GLMN: variants seen among roughly 807,000 people sequenced by gnomAD.
The protein encoded by GLMN is glomulin.
GLMN carries 75 observed loss-of-function variants against 87.8 expected under a neutral mutation model. That is an observed-to-expected ratio of 0.85 (90% CI 0.71 to 1.04). The LOEUF (loss-of-function observed/expected upper bound fraction) is 1.04. Among genes scored for constraint, GLMN ranks in the 50% least tolerant of loss-of-function variants. GLMN has a pLI of 0.00. For missense variants in GLMN, 588 were observed against 658.8 expected, an observed-to-expected ratio of 0.89 and a Z score of 1.18; for synonymous variants, 206 against 221.6, an observed-to-expected ratio of 0.93 and a Z score of 0.63.
At chr1:92,337,017 C>T in the GLMN span, among the ~76,000 whole-genome samples, 110 of 152,266 alleles carry the variant, frequency 7.2e-4, no homozygotes, top group African/African-American at 2.5e-3. Context: ...ACTAGGTTCT[C>T]TCTACCAAGA....
At chr1:92,354,890 A>AATTATTATTATTATT in the GLMN span, among the ~76,000 whole-genome samples, 29 of 147,684 alleles carry the variant, frequency 2.0e-4, no homozygotes, top group African/African-American at 6.7e-4. Context: ...AATTTATGTA[A>AATTATTATTATTATT]ATTATTATTA....
chr1:92,343,526 T>C, the GLMN span, among the ~76,000 whole-genome samples: 2 of 152,194 alleles, frequency 1.3e-5, no homozygotes, highest in Non-Finnish European at 2.9e-5. Context: ...TTCAGATTAA[T>C]GTAACAAAAT....
chr1:92,353,586 GGTA>G, the GLMN span, among the ~76,000 whole-genome samples: 1 of 151,900 alleles, frequency 6.6e-6, no homozygotes, highest in Non-Finnish European at 1.5e-5. Flanking sequence ...AGTAGCTACT[GGTA>G]TTCTTTTGGA....
At position 92,277,969 on chromosome 1, in the gene GLMN, A is replaced by G. The variant is rs566700100; in HGVS notation, c.736-6317T>C. Among the ~76,000 whole-genome samples the G allele has an allele frequency of 3.3e-5, 5 of 152,096 alleles. No homozygotes were observed. The East Asian group carries it at 9.7e-4, about 29-fold the overall frequency. On this transcript the variant is annotated intron_variant, in intron 7 of 18. Coordinates refer to ENST00000370360, the MANE Select transcript of GLMN (RefSeq NM_053274.3). Reference sequence around the variant, plus strand: ...CCTAGGGCTTGAGACTGGCATTGGAAGGGGGGGCAGTCTTGAGGTATTTAG... The same window carrying G: ...CCTAGGGCTTGAGACTGGCATTGGAGGGGGGGGCAGTCTTGAGGTATTTAG...
intron 11 of GLMN, among the ~76,000 whole-genome samples, chr1:92,267,385 TTAAA>T (rs1655752622): frequency 6.6e-6 from 1 of 152,174 alleles, no homozygotes. Flanking sequence ...CTATTCGTGT[TTAAA>T]TAAATTAAAA....
At chr1:92,256,359 T>C (rs556459563) in intron 16 of GLMN, among the ~76,000 whole-genome samples, 1 of 152,296 alleles carries the variant, frequency 6.6e-6, no homozygotes, top group Non-Finnish European at 1.5e-5. Flanking sequence ...TCTGAAACTT[T>C]TCCAAACAAT....
chr1:92,251,258 T>TATTGGTAAAAGAATA (rs1553133486), intron 16 of GLMN, among the ~76,000 whole-genome samples: 1 of 152,124 alleles, frequency 6.6e-6, no homozygotes, highest in African/African-American at 2.4e-5. Flanking sequence ...GACAGTGTGG[T>TATTGGTAAAAGAATA]ATTGGTAAAA....
chr1:92,264,313 C>CA lies in GLMN; in HGVS notation c.1299+240dup, dbSNP rs942639881. Reference sequence around the variant, plus strand: ...GGGTGACAGGCGTGAAACCCTGTCTCAAAAAAAACAAAAACAAAAACCAAA... The same window carrying CA: ...GGGTGACAGGCGTGAAACCCTGTCTCAAAAAAAAACAAAAACAAAAACCAAA... On this transcript the variant is annotated intron_variant, in intron 14 of 18. Coordinates refer to ENST00000370360, the MANE Select transcript of GLMN (RefSeq NM_053274.3). Among the ~76,000 whole-genome samples, 10 of 150,150 alleles carry CA rather than the reference C, an allele frequency of 6.7e-5. No individual in the cohort carries two copies. In the East Asian group the frequency reaches 1.2e-3, roughly 18 times the overall value.
At chr1:92,284,752 A>G (rs1397338187) in intron 7 of GLMN, among the ~76,000 whole-genome samples, 1 of 152,210 alleles carries the variant, frequency 6.6e-6, no homozygotes, top group African/African-American at 2.4e-5. Context: ...CAGAATCTAC[A>G]AAGAACTTAA....
rs1463093567 is a variant in GLMN, at chr1:92,246,557, G to C, written c.1758C>G (p.Thr586=). ...ACTTTATCCCAATATTTTCTTCAGA[G>C]GTAGACTTTGTTTTTATTTCAATGA... ...EELIEIKTKS[T]SEENIGIK Residue 586 remains threonine, a synonymous_variant, in exon 19 of 19, where the codon ACC becomes ACG. Transcript: ENST00000370360. The C allele has an allele frequency of 3.3e-6, 5 of 1,495,864 alleles. No homozygotes were observed. In the South Asian group the frequency reaches 3.4e-5, roughly 10 times the overall value. The allele number at this position is 1,495,864 out of a possible 1,614,324, so 92.7% of individuals were successfully genotyped here.
At chr1:92,367,609 C>G in the GLMN span, among the ~76,000 whole-genome samples, 3 of 152,174 alleles carry the variant, frequency 2.0e-5, no homozygotes, top group Admixed American at 6.6e-5. Context: ...GCATGGTAAT[C>G]AGCAGAACAG....
chr1:92,249,042 T>A (rs1653076075), intron 16 of GLMN, among the ~76,000 whole-genome samples: 1 of 152,096 alleles, frequency 6.6e-6, no homozygotes, highest in African/African-American at 2.4e-5. Context: ...CAACAGGAGA[T>A]TCATAGTAAA....
rs1464964458 is a variant in GLMN, at chr1:92,246,481, T to C, written c.*49A>G. 2 of 834,774 alleles carry C rather than the reference T, an allele frequency of 2.4e-6. No homozygotes were observed. Among genetic ancestry groups the C allele is most frequent in the South Asian group, 2.9e-5 (2 of 69,370 alleles). 51.7% of individuals were successfully genotyped at this position (834,774 alleles called of 1,614,324 possible). A position where few individuals can be genotyped will look rare whatever the true frequency, so the allele number is the denominator to read the frequency against. ...TTTTATAAAGGTATTAAATGAATCA[T>C]AATGGAAAGTACTATATTTTATTAG... is the stretch of plus-strand genomic sequence containing the variant. On this transcript the variant is annotated 3_prime_UTR_variant, in exon 19 of 19. Transcript: ENST00000370360.
the GLMN span, among the ~76,000 whole-genome samples, chr1:92,367,526 T>A: frequency 6.6e-6 from 1 of 152,216 alleles, no homozygotes; most frequent in Non-Finnish European, 1.5e-5. Context: ...GGTGAGAGAA[T>A]GAGTGTTTAA....
At chr1:92,319,553 C>A in the GLMN span, among the ~76,000 whole-genome samples, 1 of 151,982 alleles carries the variant, frequency 6.6e-6, no homozygotes, top group Admixed American at 6.6e-5. Context: ...CAGTGGGGAG[C>A]GAGGGGTTGT....
At chr1:92,281,113 GA>G (rs924231136) in intron 7 of GLMN, among the ~76,000 whole-genome samples, 4 of 152,122 alleles carry the variant, frequency 2.6e-5, no homozygotes, top group African/African-American at 9.7e-5. Flanking sequence ...AGGAAATACA[GA>G]GAACACCACA....
chr1:92,299,038 C>T, upstream of GLMN: 2 of 1,319,146 alleles, frequency 1.5e-6, no homozygotes, highest in Non-Finnish European at 2.1e-6. Context: ...GGCGAGACGC[C>T]GGAGCGTGTC....
upstream of GLMN, among the ~76,000 whole-genome samples, chr1:92,300,019 G>A (rs944000632): frequency 1.3e-5 from 2 of 152,176 alleles, no homozygotes; most frequent in Non-Finnish European, 2.9e-5. Context: ...TTGCTCCCAG[G>A]CTACAAACCT....
chr1:92,293,135 T>C (rs941185856), intron 3 of GLMN, among the ~76,000 whole-genome samples: 1 of 151,988 alleles, frequency 6.6e-6, no homozygotes, highest in African/African-American at 2.4e-5. Flanking sequence ...ATAATCCGAT[T>C]AAAAAATTGG....
Sources: allele counts gnomAD v4.1 joint callset (sites outside exome capture counted in the v4.1 genomes callset), GRCh38; gene constraint gnomAD v4.1.1; transcripts MANE v1.5; gene names NCBI Gene and HGNC (gene_info 2026-07-23, HGNC 2026-07-21).